The following MARCHF8 variants were observed in gnomAD, a reference collection of about 807,000 sequenced individuals.
MARCHF8 encodes E3 ubiquitin-protein ligase MARCHF8.
In MARCHF8, 40 loss-of-function variants were observed where a neutral mutation model predicts 51.6. The ratio of observed to expected loss-of-function variants is 0.77; its 90% CI spans 0.60 to 1.01. The LOEUF (loss-of-function observed/expected upper bound fraction) is 1.01, where lower values mean the gene tolerates loss of function less well. Ranked by LOEUF, MARCHF8 falls within the 50% of genes least tolerant of loss-of-function variation. MARCHF8 has a pLI of 0.00. For missense variants in MARCHF8, 685 were observed against 708.6 expected, an observed-to-expected ratio of 0.97 and a Z score of 0.38; for synonymous variants, 263 against 280.3, an observed-to-expected ratio of 0.94 and a Z score of 0.62.
rs1345104915 is a variant in MARCHF8, at chr10:45,546,173, T to TA, written c.-78-12885dup. On this transcript the variant is annotated intron_variant, in intron 1 of 6. Coordinates refer to the MARCHF8 transcript ENST00000319836. Reference sequence around the variant, plus strand: ...TTATTTATTTATTTATTTATTTATTTATTTTGAGACAGGGTCTCGCTCTGT... The same window carrying TA: ...TTATTTATTTATTTATTTATTTATTTAATTTTGAGACAGGGTCTCGCTCTGT... 2.7e-4 allele frequency among the ~76,000 whole-genome samples: 41 copies of TA among 151,868 alleles called. 1 individual carries two copies. The South Asian group carries it at 8.5e-3, about 32-fold the overall frequency.
At position 45,533,257 on chromosome 10, in the gene MARCHF8, C is replaced by G; in HGVS notation, c.-46G>C. On this transcript the variant is annotated 5_prime_UTR_variant, in exon 2 of 8. Coordinates refer to ENST00000453424, the MANE Select transcript of MARCHF8 (RefSeq NM_001282866.2). Reference sequence around the variant, plus strand: ...TCTTCTTCACAGAAGAGAGTCTCCACTGGTAGAGTCATTTTGGGCCATGGA... The same window carrying G: ...TCTTCTTCACAGAAGAGAGTCTCCAGTGGTAGAGTCATTTTGGGCCATGGA... The G allele has an allele frequency of 6.4e-7, 1 of 1,554,318 alleles. No homozygotes were observed. Among genetic ancestry groups the G allele is most frequent in the Non-Finnish European group, 8.7e-7 (1 of 1,155,416 alleles).
intron 1 of MARCHF8, among the ~76,000 whole-genome samples, chr10:45,558,414 G>A (rs73289207): frequency 0.27 from 40,471 of 152,148 alleles, 5,639 homozygotes; most frequent in South Asian, 0.37. Context: ...AGCAAGGGAT[G>A]ATAGTGGTAT....
chr10:45,538,082 C>T (rs184462835), upstream of MARCHF8, among the ~76,000 whole-genome samples: 262 of 152,176 alleles, frequency 1.7e-3, 1 homozygote, highest in African/African-American at 4.7e-3. Flanking sequence ...GTTGGGTTAC[C>T]CACAAAGGGA....
At chr10:45,504,534 G>A (rs2043344776) in intron 2 of MARCHF8, among the ~76,000 whole-genome samples, 1 of 152,152 alleles carries the variant, frequency 6.6e-6, no homozygotes. Flanking sequence ...TTCTGTATAA[G>A]CTAATCAATA....
intron 3 of MARCHF8, among the ~76,000 whole-genome samples, chr10:45,477,022 A>G (rs1323823060): frequency 2.6e-5 from 4 of 152,240 alleles, no homozygotes; most frequent in African/African-American, 9.6e-5. Flanking sequence ...TCCAAATATA[A>G]TTCAAGGTCT....
intron 1 of MARCHF8, among the ~76,000 whole-genome samples, chr10:45,545,156 C>G (rs1056470932): frequency 6.6e-6 from 1 of 151,974 alleles, no homozygotes; most frequent in Admixed American, 6.6e-5. Flanking sequence ...CAGAATGTTA[C>G]ATTTATTGAG....
In MARCHF8 at chr10:45,511,116, T is replaced by C. The variant is rs74760011; in HGVS notation, c.103-21699A>G. Among the ~76,000 whole-genome samples the C allele has an allele frequency of 3.8e-3, 574 of 152,380 alleles. 12 individuals carry two copies. In the East Asian group the frequency reaches 0.053, roughly 14 times the overall value. ...TAGTAATGTACTGAAGAATACAATC[T>C]TTTCCAAATGCTTTCTCCATTAAGT... On this transcript the variant is annotated intron_variant, in intron 2 of 7. Coordinates refer to ENST00000453424, the MANE Select transcript of MARCHF8 (RefSeq NM_001282866.2).
chr10:45,474,437 C>T (rs2042750492), intron 3 of MARCHF8, among the ~76,000 whole-genome samples: 1 of 152,232 alleles, frequency 6.6e-6, no homozygotes, highest in South Asian at 2.1e-4. Context: ...GGAAAGTTGG[C>T]TTGCCCCATC....
At chr10:45,479,382 A>G (rs1287739249) in intron 3 of MARCHF8, among the ~76,000 whole-genome samples, 1 of 152,226 alleles carries the variant, frequency 6.6e-6, no homozygotes, top group African/African-American at 2.4e-5. Flanking sequence ...CCCACAGCTA[A>G]CATAAATCTG....
At chr10:45,587,468 T>C (rs868568842) in intron 1 of MARCHF8, among the ~76,000 whole-genome samples, 15 of 152,314 alleles carry the variant, frequency 9.8e-5, no homozygotes, top group South Asian at 4.1e-4. Context: ...TGTTCATGTA[T>C]TGAAAGGTTC....
intron 2 of MARCHF8, among the ~76,000 whole-genome samples, chr10:45,499,307 G>A (rs1259728220): frequency 6.6e-6 from 1 of 152,178 alleles, no homozygotes; most frequent in African/African-American, 2.4e-5. Context: ...CTGTTGAGAT[G>A]TAGGAGTTCT....
intron 2 of MARCHF8, among the ~76,000 whole-genome samples, chr10:45,501,305 C>T (rs957613855): frequency 5.3e-5 from 8 of 152,088 alleles, no homozygotes; most frequent in Admixed American, 3.9e-4. Context: ...GTAATCACTA[C>T]TGTGTGGTAC....
chr10:45,568,790 C>T (rs972522921), intron 1 of MARCHF8, among the ~76,000 whole-genome samples: 10 of 150,420 alleles, frequency 6.6e-5, no homozygotes, highest in African/African-American at 2.0e-4. Flanking sequence ...CAAAACAAGC[C>T]GGGTGTGCTG....
rs1842890014 is a variant in MARCHF8, at chr10:45,464,159, G to A, written c.242+80C>T. Reference sequence around the variant, plus strand: ...CCAAAGGCAGATTGATTAAGCAAATGGAAATTCAAGAACCTACAGACACTA... The same window carrying A: ...CCAAAGGCAGATTGATTAAGCAAATAGAAATTCAAGAACCTACAGACACTA... On this transcript the variant is annotated intron_variant, in intron 4 of 7. Coordinates refer to ENST00000453424, the MANE Select transcript of MARCHF8 (RefSeq NM_001282866.2). 5.7e-6 allele frequency: 9 copies of A among 1,571,622 alleles called. No homozygotes were observed. The South Asian group carries it at 1.0e-4, about 17-fold the overall frequency.
Position 45,489,457 on chromosome 10 carries a change from A to G in MARCHF8, c.103-40T>C, listed in dbSNP as rs552517961. The G allele has an allele frequency of 1.7e-4, 268 of 1,531,824 alleles. 6 individuals carry two copies. In the South Asian group the frequency reaches 2.9e-3, roughly 16 times the overall value. The allele number at this position is 1,531,824 out of a possible 1,614,324, so 94.9% of individuals were successfully genotyped here. ...AACAGGTTTTAATTATCAATCTTTG[A>G]TTAAAATATGCAAAGAACAAGTAAT... is the stretch of plus-strand genomic sequence containing the variant. On this transcript the variant is annotated intron_variant, in intron 2 of 7. Coordinates refer to ENST00000453424, the MANE Select transcript of MARCHF8 (RefSeq NM_001282866.2).
At chr10:45,565,779 C>A (rs2044357840) in intron 1 of MARCHF8, among the ~76,000 whole-genome samples, 1 of 152,136 alleles carries the variant, frequency 6.6e-6, no homozygotes, top group South Asian at 2.1e-4. Flanking sequence ...AAATATGGAA[C>A]CACTGCTCTT....
chr10:45,507,529 G>A (rs1455342509), intron 2 of MARCHF8, among the ~76,000 whole-genome samples: 3 of 152,140 alleles, frequency 2.0e-5, no homozygotes, highest in African/African-American at 7.2e-5. Context: ...CAAGGAGGGA[G>A]GTGTCAGGCT....
In MARCHF8 at chr10:45,463,660, T is replaced by C. The variant is rs530325492; in HGVS notation, c.579A>G (p.Arg193=). 5.4e-5 allele frequency: 84 copies of C among 1,550,784 alleles called. No homozygotes were observed. In the Middle Eastern group the frequency reaches 6.7e-4, roughly 12 times the overall value. Residue 193 remains arginine, a synonymous_variant, in exon 5 of 8, where the codon AGA becomes AGG. Transcript: ENST00000453424. ...TTTCTTTATGATGAAACCTGTTAGT[T>C]CTGAGACACGTATCTTGAGGGAGTA... ...KLILPQDTCL[R]TNRFHHKEKR...
chr10:45,500,435 A>C (rs2043258227), intron 2 of MARCHF8, among the ~76,000 whole-genome samples: 1 of 152,136 alleles, frequency 6.6e-6, no homozygotes, highest in Non-Finnish European at 1.5e-5. Flanking sequence ...TTTCTTGCCT[A>C]ATTGCTCAGC....
Sources: gnomAD v4.1 joint callset for allele counts (sites outside exome capture counted in the v4.1 genomes callset) on GRCh38, gnomAD v4.1.1 for gene constraint, MANE v1.5 for transcripts, NCBI Gene and HGNC (gene_info 2026-07-23, HGNC 2026-07-21) for gene names.